The following TUSC3 variants were observed in gnomAD, a reference collection of about 807,000 sequenced individuals.
TUSC3 encodes the protein dolichyl-diphosphooligosaccharide--protein glycosyltransferase subunit TUSC3.
TUSC3 carries 45 observed loss-of-function variants against 44.8 expected under a neutral mutation model. That is an observed-to-expected ratio of 1.00 (90% CI 0.79 to 1.29). The LOEUF is 1.29. Among genes scored for constraint, TUSC3 ranks in the 50% most tolerant of loss-of-function variants. The pLI, the probability that TUSC3 is intolerant of heterozygous loss-of-function variation, is 0.00. For synonymous variants in TUSC3, 212 were observed against 152.9 expected, an observed-to-expected ratio of 1.39 and a Z score of -2.85; for missense variants, 519 against 437.9, an observed-to-expected ratio of 1.19 and a Z score of -1.65.
At chr8:15,619,450 C>T (rs970801520) in intron 1 of TUSC3, among the ~76,000 whole-genome samples, 3 of 151,936 alleles carry the variant, frequency 2.0e-5, no homozygotes, top group African/African-American at 7.3e-5. Context: ...AAAATTTTAT[C>T]CTAGTTTTAA....
intron 3 of TUSC3, among the ~76,000 whole-genome samples, chr8:15,655,454 C>G (rs767219889): frequency 1.1e-4 from 16 of 152,210 alleles, no homozygotes; most frequent in South Asian, 2.1e-4. Context: ...CATAGCCCAC[C>G]CAAAGGGAAA....
intron 2 of TUSC3, among the ~76,000 whole-genome samples, chr8:15,646,171 A>C (rs1806620975): frequency 6.6e-6 from 1 of 152,106 alleles, no homozygotes; most frequent in African/African-American, 2.4e-5. Context: ...TGACTTCCTA[A>C]AGAGAGGCAG....
chr8:15,773,579 T>G, the TUSC3 span, among the ~76,000 whole-genome samples: 5 of 152,168 alleles, frequency 3.3e-5, no homozygotes, highest in Non-Finnish European at 7.4e-5. Flanking sequence ...TTTGCAAAAA[T>G]AAGAAAGCTG....
intron 7 of TUSC3, among the ~76,000 whole-genome samples, chr8:15,741,435 G>A (rs150850289): frequency 3.9e-5 from 6 of 152,202 alleles, no homozygotes; most frequent in South Asian, 4.1e-4. Flanking sequence ...GTAGCTGGGC[G>A]CGGTGGCTCA....
chr8:15,671,084 T>G (rs1807928139), intron 5 of TUSC3, among the ~76,000 whole-genome samples: 1 of 151,902 alleles, frequency 6.6e-6, no homozygotes, highest in African/African-American at 2.4e-5. Flanking sequence ...GTACTGTTAT[T>G]TGGAATATAA....
Position 15,690,315 on chromosome 8 carries a change from A to G in TUSC3, c.798+16479A>G, listed in dbSNP as rs79895865. 6.7e-3 allele frequency among the ~76,000 whole-genome samples: 1,011 copies of G among 151,674 alleles called. 12 individuals are homozygous for G. Among genetic ancestry groups the G allele is most frequent in the African/African-American group, 0.023 (954 of 41,434 alleles). ...GGGCCACATGTATGTCTGCTTTTGA[A>G]AAGTGTCGGTTCATGTCCTTTGCCC... On this transcript the variant is annotated intron_variant, in intron 6 of 10. Transcript: ENST00000503731.
chr8:15,819,432 C>G, the TUSC3 span, among the ~76,000 whole-genome samples: 20,862 of 152,154 alleles, frequency 0.14, 1,562 homozygotes, highest in East Asian at 0.25. Flanking sequence ...CCTTCTCCAC[C>G]ATTACCTCTA....
chr8:15,608,291 A>T (rs12334655), intron 1 of TUSC3, among the ~76,000 whole-genome samples: 2,468 of 151,826 alleles, frequency 0.016, 64 homozygotes, highest in African/African-American at 0.056. Flanking sequence ...TGTGTACTGA[A>T]TTCCTTAGTT....
chr8:15,419,570 G>A (rs1173319052), intron 1 of TUSC3, among the ~76,000 whole-genome samples: 1 of 152,070 alleles, frequency 6.6e-6, no homozygotes, highest in African/African-American at 2.4e-5. Flanking sequence ...AAAGTTTTCA[G>A]TCTACGGTTA....
intron 1 of TUSC3, among the ~76,000 whole-genome samples, chr8:15,582,184 A>C (rs1803388536): frequency 6.6e-6 from 1 of 152,128 alleles, no homozygotes; most frequent in Non-Finnish European, 1.5e-5. Context: ...TGGTGCGCGC[A>C]CCCACTGGCC....
At chr8:15,568,859 G>A (rs1802767275) in intron 1 of TUSC3, among the ~76,000 whole-genome samples, 2 of 151,974 alleles carry the variant, frequency 1.3e-5, no homozygotes, top group East Asian at 3.9e-4. Flanking sequence ...TTTGGTACTT[G>A]GAGATTACAT....
intron 1 of TUSC3, among the ~76,000 whole-genome samples, chr8:15,444,665 C>T (rs1458567202): frequency 1.1e-4 from 17 of 152,130 alleles, no homozygotes; most frequent in Admixed American, 1.1e-3. Flanking sequence ...GAAGAGTGTA[C>T]AGCAGAGGCT....
At chr8:15,489,046 T>A (rs751781700) in intron 2 of TUSC3, among the ~76,000 whole-genome samples, 5 of 152,084 alleles carry the variant, frequency 3.3e-5, no homozygotes, top group African/African-American at 4.8e-5. Context: ...TTACTCTGAG[T>A]CAAATATGAG....
intron 1 of TUSC3, among the ~76,000 whole-genome samples, chr8:15,479,605 C>T (rs10100161): frequency 0.037 from 5,573 of 152,034 alleles, 355 homozygotes; most frequent in African/African-American, 0.13. Context: ...GATATGTGTT[C>T]TTATTTCTCA....
chr8:15,806,530 G>T, the TUSC3 span: 4 of 1,366,710 alleles, frequency 2.9e-6, no homozygotes, highest in Non-Finnish European at 4.2e-6. Context: ...CTTCAAGCCT[G>T]GATCTTACAA....
chr8:15,452,620 G>C (rs367923773), intron 1 of TUSC3, among the ~76,000 whole-genome samples: 1 of 152,156 alleles, frequency 6.6e-6, no homozygotes, highest in African/African-American at 2.4e-5. Context: ...GCAGACTTAC[G>C]TCTGCCTTGC....
intron 6 of TUSC3, among the ~76,000 whole-genome samples, chr8:15,702,236 C>T (rs78852414): frequency 0.034 from 5,139 of 152,178 alleles, 249 homozygotes; most frequent in African/African-American, 0.12. Flanking sequence ...TCTAATGTTA[C>T]CAAAGCCAGA....
chr8:15,617,140 T>TGTGTGTGTGTGTGTGTGTG (rs1563136021), intron 1 of TUSC3, among the ~76,000 whole-genome samples: 2 of 8,118 alleles, frequency 2.5e-4, no homozygotes, highest in African/African-American at 4.0e-4. Flanking sequence ...GTGTATATAT[T>TGTGTGTGTGTGTGTGTGTG]TTTTTTTTTT....
intron 6 of TUSC3, among the ~76,000 whole-genome samples, chr8:15,694,801 G>T (rs774067336): frequency 6.6e-6 from 1 of 152,228 alleles, no homozygotes; most frequent in Non-Finnish European, 1.5e-5. Flanking sequence ...ACTGGAGGGG[G>T]TGAGTTGTTC....
Sources: allele counts gnomAD v4.1 joint callset (sites outside exome capture counted in the v4.1 genomes callset), GRCh38; gene constraint gnomAD v4.1.1; transcripts MANE v1.5; gene names NCBI Gene and HGNC (gene_info 2026-07-23, HGNC 2026-07-21).